Variants in TRIM24 observed in about 807,000 individuals in gnomAD.
The protein encoded by TRIM24 is transcription intermediary factor 1-alpha.
Under a neutral mutation model 123.9 loss-of-function variants are expected in TRIM24, and 29 were observed. That is an observed-to-expected ratio of 0.23 (90% CI 0.17 to 0.32). The LOEUF is 0.32. Ranked by LOEUF, TRIM24 falls within the 10% of genes least tolerant of loss-of-function variation. The pLI, the probability that TRIM24 is intolerant of heterozygous loss-of-function variation, is 1.00. For missense variants in TRIM24, 932 were observed against 1,295.3 expected, an observed-to-expected ratio of 0.72 and a Z score of 4.31; for synonymous variants, 456 against 461.1, an observed-to-expected ratio of 0.99 and a Z score of 0.14.
chr7:138,502,284 T>A (rs980335998), intron 1 of TRIM24, among the ~76,000 whole-genome samples: 3 of 152,250 alleles, frequency 2.0e-5, no homozygotes, highest in African/African-American at 7.2e-5. Flanking sequence ...TCTGTGCATT[T>A]ACTCATGTGA....
At position 138,584,995 on chromosome 7, in the gene TRIM24, T is replaced by C. The variant is rs184808017; in HGVS notation, c.*44T>C. On this transcript the variant is annotated 3_prime_UTR_variant, in exon 19 of 19. Coordinates refer to ENST00000343526, the MANE Select transcript of TRIM24 (RefSeq NM_015905.3). ...TGTGCTGGTTTTTAGATTTTTTTGT[T>C]TTCAAAAAAACATTTGTCAGTAATT... 168 of 1,513,878 alleles carry C rather than the reference T, an allele frequency of 1.1e-4. No individual in the cohort carries two copies. The East Asian group carries it at 3.3e-3, about 30-fold the overall frequency. The allele number at this position is 1,513,878 out of a possible 1,614,324, so 93.8% of individuals were successfully genotyped here.
At chr7:138,512,275 G>T (rs1796305862) in intron 2 of TRIM24, among the ~76,000 whole-genome samples, 1 of 152,168 alleles carries the variant, frequency 6.6e-6, no homozygotes, top group Non-Finnish European at 1.5e-5. Flanking sequence ...GACTAAAGGT[G>T]CAAGCTGCTG....
chr7:138,476,963 A>G (rs1430837687), intron 1 of TRIM24, among the ~76,000 whole-genome samples: 2 of 152,234 alleles, frequency 1.3e-5, no homozygotes, highest in Non-Finnish European at 2.9e-5. Flanking sequence ...GGAATGAAAA[A>G]GATATGAATA....
chr7:138,470,510 A>G (rs1795249045), intron 1 of TRIM24, among the ~76,000 whole-genome samples: 1 of 152,254 alleles, frequency 6.6e-6, no homozygotes, highest in Non-Finnish European at 1.5e-5. Context: ...AAAATAGAAG[A>G]TTATGGTAGG....
intron 1 of TRIM24, among the ~76,000 whole-genome samples, chr7:138,483,502 T>C (rs1485225399): frequency 1.3e-5 from 2 of 152,246 alleles, no homozygotes; most frequent in African/African-American, 2.4e-5. Flanking sequence ...CACCATTAAA[T>C]AGGAAGTTTG....
At chr7:138,504,968 C>G (rs1190123813) in intron 2 of TRIM24, among the ~76,000 whole-genome samples, 1 of 151,520 alleles carries the variant, frequency 6.6e-6, no homozygotes, top group Non-Finnish European at 1.5e-5. Flanking sequence ...ACCATGTTGG[C>G]CAGGCTGGTC....
intron 2 of TRIM24, among the ~76,000 whole-genome samples, chr7:138,510,733 G>A (rs1796268785): frequency 6.6e-6 from 1 of 152,152 alleles, no homozygotes; most frequent in African/African-American, 2.4e-5. Context: ...ATCAAATCAT[G>A]TTTTAAAGTT....
chr7:138,486,409 C>T (rs1288739016), intron 1 of TRIM24, among the ~76,000 whole-genome samples: 5 of 152,132 alleles, frequency 3.3e-5, no homozygotes, highest in Non-Finnish European at 7.3e-5. Flanking sequence ...GAAGTCCTTG[C>T]CCATGCCTAT....
intron 3 of TRIM24, among the ~76,000 whole-genome samples, chr7:138,517,466 G>A (rs796123227): frequency 2.6e-5 from 4 of 152,174 alleles, no homozygotes; most frequent in African/African-American, 7.2e-5. Flanking sequence ...CACCTCCTGG[G>A]TTCAAGCGAT....
intron 12 of TRIM24, 83 bp downstream of exon 12, chr7:138,573,725 T>TC: frequency 2.8e-6 from 4 of 1,452,136 alleles, no homozygotes; most frequent in Non-Finnish European, 3.7e-6. Flanking sequence ...CTCTTCTCCT[T>TC]TTTTGTTGAA....
At chr7:138,461,134 GCGC>G (rs752059768) in intron 1 of TRIM24, 147 of 693,072 alleles carry the variant, frequency 2.1e-4, no homozygotes, top group Admixed American at 6.6e-4. Flanking sequence ...GGACTTGACC[GCGC>G]CGCCGCCGCC....
chr7:138,536,235 C>T (rs1251578378), intron 6 of TRIM24, among the ~76,000 whole-genome samples: 1 of 152,220 alleles, frequency 6.6e-6, no homozygotes, highest in Non-Finnish European at 1.5e-5. Context: ...CATTCTCTGT[C>T]CAGCTTTGTT....
In TRIM24 at chr7:138,585,746, T is replaced by TTAA. The variant is rs1798002688; in HGVS notation, c.*797_*799dup. The stretch of plus-strand genomic sequence containing the variant: ...GGTTTGCTGTGTGTCTATGTGAGGT[T>TTAA]TAATTGTACAGGTGATCCTTTTACA... On this transcript the variant is annotated 3_prime_UTR_variant, in exon 19 of 19. Coordinates refer to ENST00000343526, the MANE Select transcript of TRIM24 (RefSeq NM_015905.3). 1 of 513,126 alleles carries TTAA rather than the reference T, an allele frequency of 1.9e-6. No homozygotes were observed. Among genetic ancestry groups the TTAA allele is most frequent in the South Asian group, 1.5e-5 (1 of 68,926 alleles). 31.8% of individuals were successfully genotyped at this position (513,126 alleles called of 1,614,324 possible).
chr7:138,485,436 G>A (rs930387435), intron 1 of TRIM24, among the ~76,000 whole-genome samples: 66 of 151,714 alleles, frequency 4.4e-4, no homozygotes, highest in Non-Finnish European at 7.5e-4. Flanking sequence ...CATGTGCCAT[G>A]TTGGTTTGCT....
chr7:138,537,772 A>G (rs1482080694), intron 6 of TRIM24, among the ~76,000 whole-genome samples: 3 of 152,172 alleles, frequency 2.0e-5, no homozygotes, highest in Admixed American at 2.0e-4. Context: ...AATGTAGCTC[A>G]AGTGTATTTT....
At chr7:138,462,647 TTGA>T (rs1795028437) in intron 1 of TRIM24, among the ~76,000 whole-genome samples, 1 of 151,918 alleles carries the variant, frequency 6.6e-6, no homozygotes, top group Non-Finnish European at 1.5e-5. Context: ...GCCAAAAATC[TTGA>T]TGATGCTTTG....
At chr7:138,580,789 C>A in intron 16 of TRIM24, 95 bp downstream of exon 16, 1 of 1,163,178 alleles carries the variant, frequency 8.6e-7, no homozygotes, top group Non-Finnish European at 1.2e-6. Flanking sequence ...AGATTTTATA[C>A]TGATCCTTTT....
chr7:138,497,162 A>T (rs1255560912), intron 1 of TRIM24, among the ~76,000 whole-genome samples: 1 of 152,030 alleles, frequency 6.6e-6, no homozygotes, highest in Non-Finnish European at 1.5e-5. Context: ...TAAATATTGA[A>T]TAGAATTCAC....
chr7:138,544,042 C>A (rs113765710), intron 7 of TRIM24, among the ~76,000 whole-genome samples: 4,326 of 152,096 alleles, frequency 0.028, 178 homozygotes, highest in African/African-American at 0.091. Context: ...GTCACCCCAG[C>A]TGTCTTGAAC....
Sources: allele counts gnomAD v4.1 joint callset (sites outside exome capture counted in the v4.1 genomes callset), GRCh38; gene constraint gnomAD v4.1.1; transcripts MANE v1.5; gene names NCBI Gene and HGNC (gene_info 2026-07-23, HGNC 2026-07-21).